The following MYO9A variants were observed in gnomAD, a reference collection of about 807,000 sequenced individuals.
The protein encoded by MYO9A is myosin IXA, also known as unconventional myosin-IXa.
A neutral mutation model predicts 293.3 loss-of-function variants in MYO9A; 103 were observed. The ratio of observed to expected loss-of-function variants is 0.35; its 90% confidence interval spans 0.30 to 0.41. MYO9A has a LOEUF of 0.41. Among genes scored for constraint, MYO9A ranks in the 10% least tolerant of loss-of-function variants. MYO9A has a pLI of 1.00. For missense variants in MYO9A, 2,685 were observed against 3,033.0 expected, an observed-to-expected ratio of 0.89 and a Z score of 2.69; for synonymous variants, 1,001 against 1,035.7, an observed-to-expected ratio of 0.97 and a Z score of 0.64.
At chr15:72,005,815 T>C (rs1209972618) in intron 8 of MYO9A, among the ~76,000 whole-genome samples, 3 of 152,340 alleles carry the variant, frequency 2.0e-5, no homozygotes, top group Admixed American at 1.3e-4. Context: ...AACTAAATTA[T>C]GCTACGTAGA....
intron 1 of MYO9A, among the ~76,000 whole-genome samples, chr15:72,101,116 C>T (rs1317119706): frequency 8.9e-6 from 1 of 112,126 alleles, no homozygotes; most frequent in Non-Finnish European, 1.8e-5. Context: ...GGAGGGAGGT[C>T]GGGGCATCAG....
chr15:72,031,549 T>C (rs2077870867), intron 3 of MYO9A, among the ~76,000 whole-genome samples: 4 of 152,316 alleles, frequency 2.6e-5, no homozygotes, highest in African/African-American at 9.6e-5. Context: ...TGTATGTGCA[T>C]GTGGTCTCTG....
rs1301697771 is a variant in MYO9A at position 71,930,180 on chromosome 15, T to C, written c.2562+3490A>G. On this transcript the variant is annotated intron_variant, in intron 18 of 41. Coordinates refer to ENST00000356056, the MANE Select transcript of MYO9A (RefSeq NM_006901.4). ...CAGACGAATGTGTATTCTGCTGCTGTTGACTGAAATGTTCTGTATATGTCT... is the reference window on the plus strand; with the variant it reads ...CAGACGAATGTGTATTCTGCTGCTGCTGACTGAAATGTTCTGTATATGTCT... Among the ~76,000 whole-genome samples the C allele has an allele frequency of 3.3e-5, 5 of 152,314 alleles. No homozygotes were observed. The East Asian group carries it at 7.7e-4, about 24-fold the overall frequency.
chr15:71,848,713 T>G, intron 39 of MYO9A, 132 bp downstream of exon 39: 334 of 1,040,384 alleles, frequency 3.2e-4, no homozygotes, highest in Non-Finnish European at 3.9e-4. Flanking sequence ...CATAGCACCT[T>G]GAGATTTGGT....
At chr15:72,100,195 C>T (rs964968256) in intron 1 of MYO9A, among the ~76,000 whole-genome samples, 1 of 152,070 alleles carries the variant, frequency 6.6e-6, no homozygotes, top group Non-Finnish European at 1.5e-5. Context: ...CCAGCCTGGC[C>T]AACATGGTGA....
intron 1 of MYO9A, among the ~76,000 whole-genome samples, chr15:72,063,494 G>C (rs758051394): frequency 1.1e-4 from 16 of 152,290 alleles, no homozygotes; most frequent in Non-Finnish European, 7.4e-5. Context: ...TGTGCAAACT[G>C]TCTATCTGAC....
At chr15:72,045,679 T>TA in intron 2 of MYO9A, 45 bp downstream of exon 2, 2 of 1,518,258 alleles carry the variant, frequency 1.3e-6, no homozygotes, top group East Asian at 4.6e-5. Context: ...CCTCAAAGGA[T>TA]AAAAATCAAA....
intron 19 of MYO9A, among the ~76,000 whole-genome samples, chr15:71,910,909 G>A (rs1449109901): frequency 6.6e-6 from 1 of 151,448 alleles, no homozygotes; most frequent in East Asian, 1.9e-4. Flanking sequence ...GACTTTTTTG[G>A]TTTAAAGTTT....
rs12438960 is a variant in MYO9A at position 71,849,276 on chromosome 15, C to T, written c.6714-308G>A. Among the ~76,000 whole-genome samples the T allele has an allele frequency of 2.0e-5, 3 of 151,946 alleles. No homozygotes were observed. The East Asian group carries it at 5.8e-4, about 29-fold the overall frequency. Reference sequence around the variant, plus strand: ...ACCAACCTGGCCAACATGGTGAAACCCTGTCTCTACTAAAAATACTAAATC... The same window carrying T: ...ACCAACCTGGCCAACATGGTGAAACTCTGTCTCTACTAAAAATACTAAATC... On this transcript the variant is annotated intron_variant, in intron 38 of 41. Coordinates refer to ENST00000356056, the MANE Select transcript of MYO9A (RefSeq NM_006901.4).
intron 1 of MYO9A, among the ~76,000 whole-genome samples, chr15:72,101,339 G>A (rs537702260): frequency 2.1e-5 from 3 of 145,980 alleles, no homozygotes; most frequent in African/African-American, 5.0e-5. Context: ...GAGGGAGGTC[G>A]GGGCGTCAGC....
Position 71,898,809 on chromosome 15 carries a change from T to A in MYO9A, c.3694A>T (p.Asn1232Tyr), listed in dbSNP as rs755129835. Reference sequence around the variant, plus strand: ...CTTTGGGCTCTCTCCTGCTGCTTGTTTGGTGACTCCTTCAAGCAGTCCACT... The same window carrying A: ...CTTTGGGCTCTCTCCTGCTGCTTGTATGGTGACTCCTTCAAGCAGTCCACT... ...SSVDCLKESP[N>Y]KQQERAQSQS... Residue 1232 changes from asparagine to tyrosine, a missense_variant, in exon 25 of 42, where the codon AAC becomes TAC. This residue lies in a region of MYO9A where 1,434 missense variants were observed against 1,497.7 expected (regional missense o/e 0.96). Coordinates refer to ENST00000356056, the MANE Select transcript of MYO9A (RefSeq NM_006901.4). The A allele has an allele frequency of 3.1e-6, 5 of 1,614,168 alleles. No homozygotes were observed. The highest frequency in any genetic ancestry group is 4.2e-6 in the Non-Finnish European group (5 of 1,180,034).
rs2054477155 is a variant in MYO9A, at chr15:71,826,005, TTTTGTTTTTTTTTTTTG to T, written c.*558_*574del. 8 of 137,692 alleles carry T rather than the reference TTTTGTTTTTTTTTTTTG, an allele frequency of 5.8e-5. No individual in the cohort carries two copies. The highest frequency in any genetic ancestry group is 3.7e-4 in the Admixed American group (5 of 13,396). The allele number at this position is 137,692 out of a possible 1,614,324, so 8.5% of individuals were successfully genotyped here. A position where few individuals can be genotyped will look rare whatever the true frequency, so the allele number is the denominator to read the frequency against. On this transcript the variant is annotated 3_prime_UTR_variant, in exon 42 of 42. Transcript: ENST00000356056. ...TCACGGTTTTTTTTTGTTTTTTTTTTTTTGTTTTTTTTTTTTGTTTTTGCTTTCCCCAGAATATAACA... is the reference window on the plus strand; with the variant it reads ...TCACGGTTTTTTTTTGTTTTTTTTTTTTTTTGCTTTCCCCAGAATATAACA...
intron 1 of MYO9A, among the ~76,000 whole-genome samples, chr15:72,062,982 A>G (rs2078916994): frequency 6.6e-6 from 1 of 152,256 alleles, no homozygotes; most frequent in Non-Finnish European, 1.5e-5. Flanking sequence ...TGATCGTGCC[A>G]CTGCACTCCA....
intron 1 of MYO9A, among the ~76,000 whole-genome samples, chr15:72,047,915 T>G (rs1456792685): frequency 2.0e-5 from 3 of 151,276 alleles, no homozygotes; most frequent in Non-Finnish European, 4.4e-5. Flanking sequence ...GGACTACAGG[T>G]GTGCGCCACC....
chr15:71,826,483 T>A lies in MYO9A; in HGVS notation c.*97A>T. On this transcript the variant is annotated 3_prime_UTR_variant, in exon 42 of 42. Transcript: ENST00000356056. ...GCTTAGAAAAGAGGCAGGACCACAA[T>A]TAGGATTGACTATTGTGGACGAGGT... 8.3e-7 allele frequency: 1 copy of A among 1,209,898 alleles called. No homozygotes were observed. The highest frequency in any genetic ancestry group is 2.3e-5 in the East Asian group (1 of 42,656). 74.9% of individuals were successfully genotyped at this position (1,209,898 alleles called of 1,614,324 possible). A position where few individuals can be genotyped will look rare whatever the true frequency, so the allele number is the denominator to read the frequency against.
At chr15:71,899,128 A>G (rs2057413365) in intron 24 of MYO9A, 96 bp from the exon 25 acceptor site, 3 of 1,179,150 alleles carry the variant, frequency 2.5e-6, no homozygotes, top group Non-Finnish European at 3.5e-6. Context: ...GCAGAGTTGT[A>G]AAATCTTTTT....
chr15:71,992,090 TA>T (rs79072695), intron 10 of MYO9A, among the ~76,000 whole-genome samples: 28 of 146,686 alleles, frequency 1.9e-4, no homozygotes, highest in Non-Finnish European at 1.8e-4. Context: ...AAATATTTAT[TA>T]AAAAAAAAAA....
At position 72,067,879 on chromosome 15, in the gene MYO9A, C is replaced by T. The variant is rs566343693; in HGVS notation, c.-71-21245G>A. 9.5e-4 allele frequency among the ~76,000 whole-genome samples: 144 copies of T among 152,002 alleles called. 5 individuals carry two copies. In the Middle Eastern group the frequency reaches 0.027, roughly 29 times the overall value. On this transcript the variant is annotated intron_variant, in intron 1 of 41. Transcript: ENST00000356056. ...TCATTCTATTAAAAATCTTTTAAGG[C>T]TATAAAAAAAAATTCATATTGTTTT...
chr15:72,052,054 GA>G (rs2078581821), intron 1 of MYO9A, among the ~76,000 whole-genome samples: 1 of 152,182 alleles, frequency 6.6e-6, no homozygotes, highest in South Asian at 2.1e-4. Flanking sequence ...ATAAAAGCCT[GA>G]ACTCAGCCAG....
Sources: allele counts gnomAD v4.1 joint callset (sites outside exome capture counted in the v4.1 genomes callset), GRCh38; gene constraint gnomAD v4.1.1; regional missense constraint gnomAD v4.1.1; transcripts MANE v1.5; gene names NCBI Gene and HGNC (gene_info 2026-07-23, HGNC 2026-07-21).